Variants in LRRTM4 observed in about 807,000 individuals in gnomAD.
LRRTM4 encodes the protein leucine-rich repeat transmembrane neuronal protein 4.
A neutral mutation model predicts 47.6 loss-of-function variants in LRRTM4; 25 were observed. That is an observed-to-expected ratio of 0.53 (90% CI 0.38 to 0.73). The LOEUF is 0.73. Among genes scored for constraint, LRRTM4 ranks in the 30% least tolerant of loss-of-function variants. LRRTM4 has a pLI of 0.00. For synonymous variants in LRRTM4, 311 were observed against 269.5 expected, an observed-to-expected ratio of 1.15 and a Z score of -1.51; for missense variants, 638 against 713.4, an observed-to-expected ratio of 0.89 and a Z score of 1.20.
At chr2:76,821,284 A>G (rs1227828971) in intron 3 of LRRTM4, among the ~76,000 whole-genome samples, 4 of 151,714 alleles carry the variant, frequency 2.6e-5, no homozygotes, top group Non-Finnish European at 5.9e-5. Flanking sequence ...TAGCTTCAAC[A>G]ACTTGAGAAA....
chr2:77,074,994 C>T (rs1481592507), intron 3 of LRRTM4, among the ~76,000 whole-genome samples: 1 of 152,146 alleles, frequency 6.6e-6, no homozygotes, highest in Non-Finnish European at 1.5e-5. Flanking sequence ...CATATCTAGA[C>T]TCCTAACTTG....
chr2:77,403,458 A>C (rs1466559103), intron 3 of LRRTM4, among the ~76,000 whole-genome samples: 1 of 151,946 alleles, frequency 6.6e-6, no homozygotes, highest in Non-Finnish European at 1.5e-5. Flanking sequence ...TAAAGAGGGA[A>C]TGAATGAAAG....
intron 3 of LRRTM4, among the ~76,000 whole-genome samples, chr2:77,227,965 T>C (rs769164112): frequency 2.0e-5 from 3 of 152,094 alleles, no homozygotes; most frequent in Non-Finnish European, 4.4e-5. Context: ...TAAAAAGTTA[T>C]TGATTTGTAA....
At chr2:76,941,117 G>A (rs562518301) in intron 3 of LRRTM4, among the ~76,000 whole-genome samples, 2 of 151,800 alleles carry the variant, frequency 1.3e-5, no homozygotes, top group Admixed American at 6.6e-5. Flanking sequence ...TAAAGAAGAA[G>A]GTAAAGTAAA....
chr2:77,089,448 G>A (rs1261665548), intron 3 of LRRTM4, among the ~76,000 whole-genome samples: 3 of 150,452 alleles, frequency 2.0e-5, no homozygotes, highest in African/African-American at 7.4e-5. Context: ...TCGTATCTCT[G>A]TGCCCCAATC....
intron 3 of LRRTM4, among the ~76,000 whole-genome samples, chr2:77,241,320 A>G (rs1019957201): frequency 1.3e-5 from 2 of 152,034 alleles, no homozygotes; most frequent in African/African-American, 4.8e-5. Flanking sequence ...GAATGGAAAG[A>G]GAACAGACTT....
chr2:77,138,151 C>T (rs1672005049), intron 3 of LRRTM4, among the ~76,000 whole-genome samples: 1 of 152,164 alleles, frequency 6.6e-6, no homozygotes, highest in Non-Finnish European at 1.5e-5. Flanking sequence ...GAACTCTGTA[C>T]CCCAAATCAA....
At chr2:77,513,117 A>G (rs1679081770) in intron 3 of LRRTM4, among the ~76,000 whole-genome samples, 1 of 152,192 alleles carries the variant, frequency 6.6e-6, no homozygotes, top group African/African-American at 2.4e-5. Flanking sequence ...GCAGAATTTC[A>G]AAGACATATA....
intron 3 of LRRTM4, among the ~76,000 whole-genome samples, chr2:76,952,260 G>T (rs372032299): frequency 6.6e-6 from 1 of 151,880 alleles, no homozygotes; most frequent in South Asian, 2.1e-4. Flanking sequence ...ATAATCAGAT[G>T]GCCTGCAGAT....
At chr2:77,211,080 A>C (rs1188625128) in intron 3 of LRRTM4, among the ~76,000 whole-genome samples, 2 of 151,250 alleles carry the variant, frequency 1.3e-5, no homozygotes, top group African/African-American at 4.9e-5. Flanking sequence ...AGGTAATTAC[A>C]TAAAATAATT....
At chr2:77,120,489 G>A (rs1671496180) in intron 3 of LRRTM4, among the ~76,000 whole-genome samples, 2 of 151,742 alleles carry the variant, frequency 1.3e-5, no homozygotes, top group Non-Finnish European at 3.0e-5. Context: ...GAAGCCATGA[G>A]TTCAATAATA....
chr2:76,892,313 G>A (rs1673280594), intron 3 of LRRTM4, among the ~76,000 whole-genome samples: 1 of 151,266 alleles, frequency 6.6e-6, no homozygotes, highest in Non-Finnish European at 1.5e-5. Context: ...AAGATATTTG[G>A]CTATTTGGTT....
intron 3 of LRRTM4, among the ~76,000 whole-genome samples, chr2:77,392,102 C>T (rs1285970513): frequency 6.6e-6 from 1 of 152,028 alleles, no homozygotes; most frequent in East Asian, 1.9e-4. Flanking sequence ...AAGACATTTA[C>T]ATCTATTCTC....
In LRRTM4 at chr2:76,971,585, G is replaced by A. The variant is rs552134759; in HGVS notation, c.1552-222669C>T. Among the ~76,000 whole-genome samples, 3 of 152,172 alleles carry A rather than the reference G, an allele frequency of 2.0e-5. No individual in the cohort carries two copies. In the East Asian group the frequency reaches 5.8e-4, roughly 30 times the overall value. The stretch of plus-strand genomic sequence containing the variant: ...TGGGCACAGCTCCAATCCCAAGGAA[G>A]AAATATATATCTGGATGGTGTCTTG... On this transcript the variant is annotated intron_variant, in intron 3 of 3. Coordinates refer to ENST00000409884, the MANE Select transcript of LRRTM4 (RefSeq NM_001134745.3).
intron 3 of LRRTM4, among the ~76,000 whole-genome samples, chr2:77,079,618 A>G (rs1680465086): frequency 6.6e-6 from 1 of 152,194 alleles, no homozygotes; most frequent in Admixed American, 6.5e-5. Flanking sequence ...TGAAACCAAA[A>G]GATTGGATAC....
intron 3 of LRRTM4, among the ~76,000 whole-genome samples, chr2:77,131,008 G>A (rs1226229050): frequency 6.9e-6 from 1 of 144,770 alleles, no homozygotes; most frequent in Non-Finnish European, 1.5e-5. Context: ...CTAATTTTTT[G>A]TATTTTTAGT....
intron 3 of LRRTM4, among the ~76,000 whole-genome samples, chr2:77,302,757 C>T (rs1185101700): frequency 2.0e-5 from 3 of 152,130 alleles, no homozygotes; most frequent in African/African-American, 7.2e-5. Context: ...CACACGTGCA[C>T]ACGCCCCTTC....
intron 3 of LRRTM4, among the ~76,000 whole-genome samples, chr2:77,180,177 T>C (rs1673310216): frequency 1.3e-5 from 2 of 152,158 alleles, no homozygotes. Context: ...GATGGACTAC[T>C]ATAGTCTCTT....
chr2:77,308,443 T>C (rs1312297094), intron 3 of LRRTM4, among the ~76,000 whole-genome samples: 1 of 152,158 alleles, frequency 6.6e-6, no homozygotes, highest in Non-Finnish European at 1.5e-5. Flanking sequence ...TTAGCTCGAA[T>C]ATTATCAACT....
Sources: gnomAD v4.1 joint callset for allele counts (sites outside exome capture counted in the v4.1 genomes callset) on GRCh38, gnomAD v4.1.1 for gene constraint, MANE v1.5 for transcripts, NCBI Gene and HGNC (gene_info 2026-07-23, HGNC 2026-07-21) for gene names.